Variants in HIVEP3 observed in about 807,000 individuals in gnomAD.
The protein encoded by HIVEP3 is HIVEP zinc finger 3, also known as transcription factor HIVEP3.
In HIVEP3, 49 loss-of-function variants were observed where a neutral mutation model predicts 152.8. The observed-to-expected ratio is 0.32, with a 90% CI of 0.26 to 0.41. The LOEUF (loss-of-function observed/expected upper bound fraction) is 0.41. HIVEP3 is among the 10% of genes least tolerant of loss of function. The pLI, the probability that HIVEP3 is intolerant of heterozygous loss-of-function variation, is 1.00. For missense variants in HIVEP3, 2,790 were observed against 3,103.3 expected (o/e 0.90, Z 2.40); for synonymous variants, 1,269 against 1,289.0 (o/e 0.98, Z 0.33).
In HIVEP3 at chr1:41,584,650, C is replaced by T. The variant is rs201941108; in HGVS notation, c.148G>A (p.Ala50Thr). ...GGCTGCGGGGCTAAGAGCTCTTGGGCGGGGCTCTCTTGGGTGGCAGCTGTG... is the reference window on the plus strand; with the variant it reads ...GGCTGCGGGGCTAAGAGCTCTTGGGTGGGGCTCTCTTGGGTGGCAGCTGTG... ...SGTAATQESP[A>T]QELLAPQPFP... The change falls in exon 4 of 9, where the codon GCC becomes ACC. Residue 50 changes from alanine to threonine, a missense_variant. Physicochemically the swap from Ala to Thr is moderately conservative, Grantham distance 58. Transcript: ENST00000372583. The surrounding 1 kb of genome is among the most constrained non-coding windows in gnomAD (Gnocchi z 5.2). 5.4e-5 allele frequency: 86 copies of T among 1,597,438 alleles called. No individual in the cohort carries two copies. Among genetic ancestry groups the T allele is most frequent in the South Asian group, 7.9e-5 (7 of 88,656 alleles).
intron 5 of HIVEP3, among the ~76,000 whole-genome samples, chr1:41,565,545 C>CAT (rs1644148411): frequency 7.5e-6 from 1 of 134,212 alleles, no homozygotes; most frequent in African/African-American, 2.8e-5. Flanking sequence ...CACACACACA[C>CAT]ACACACACAC....
At chr1:41,903,626 T>C (rs1344064165) in intron 1 of HIVEP3, among the ~76,000 whole-genome samples, 1 of 152,210 alleles carries the variant, frequency 6.6e-6, no homozygotes, top group Non-Finnish European at 1.5e-5. Flanking sequence ...AAAGCATCTG[T>C]CCTTGTTTCT....
chr1:41,698,765 C>T (rs1294465662), intron 2 of HIVEP3, among the ~76,000 whole-genome samples: 1 of 152,164 alleles, frequency 6.6e-6, no homozygotes, highest in African/African-American at 2.4e-5. Context: ...CCCCACAATG[C>T]TTCTGCTAGC....
At chr1:41,757,306 A>T (rs1289651091) in intron 1 of HIVEP3, among the ~76,000 whole-genome samples, 1 of 151,562 alleles carries the variant, frequency 6.6e-6, no homozygotes, top group Non-Finnish European at 1.5e-5. Flanking sequence ...TTTAGTAGAG[A>T]CGGAGTTTCA....
At chr1:41,554,890 G>C (rs1643941218) in intron 5 of HIVEP3, among the ~76,000 whole-genome samples, 1 of 152,190 alleles carries the variant, frequency 6.6e-6, no homozygotes, top group African/African-American at 2.4e-5. Flanking sequence ...ACACCCGCCT[G>C]TATGAGGTGA....
At chr1:41,966,475 CT>C (rs58470482) in intron 1 of HIVEP3, among the ~76,000 whole-genome samples, 6,808 of 95,876 alleles carry the variant, frequency 0.071, 940 homozygotes, top group African/African-American at 0.26. Flanking sequence ...GTGCTGTATT[CT>C]TTTTTTTTTT....
chr1:41,529,178 A>C (rs1446531316), intron 5 of HIVEP3, among the ~76,000 whole-genome samples: 8 of 53,406 alleles, frequency 1.5e-4, no homozygotes, highest in African/African-American at 2.1e-4. Context: ...CTCACACCCC[A>C]CCCTCACACT....
chr1:42,017,901 G>A (rs188975029), intron 1 of HIVEP3, among the ~76,000 whole-genome samples: 4 of 152,088 alleles, frequency 2.6e-5, no homozygotes, highest in African/African-American at 7.2e-5. Flanking sequence ...AATAATATAT[G>A]AGAGTCTAGT....
At chr1:41,639,122 T>C (rs528118972) in intron 2 of HIVEP3, among the ~76,000 whole-genome samples, 1 of 152,352 alleles carries the variant, frequency 6.6e-6, no homozygotes, top group East Asian at 1.9e-4. Flanking sequence ...GGGCAGGGAA[T>C]TGTGGGATGA....
chr1:41,860,395 T>C (rs1193502978), intron 1 of HIVEP3, among the ~76,000 whole-genome samples: 2 of 152,302 alleles, frequency 1.3e-5, no homozygotes, highest in East Asian at 3.9e-4. Flanking sequence ...TATCTCAAGC[T>C]ATAACTTTTT....
intron 1 of HIVEP3, among the ~76,000 whole-genome samples, chr1:41,961,344 G>C (rs529466147): frequency 2.6e-5 from 4 of 152,334 alleles, no homozygotes; most frequent in Non-Finnish European, 4.4e-5. Context: ...ACAATAAAAT[G>C]ATTGCTATTA....
At chr1:41,527,301 C>CTG (rs1643008672) in intron 5 of HIVEP3, among the ~76,000 whole-genome samples, 1 of 44,166 alleles carries the variant, frequency 2.3e-5, no homozygotes, top group African/African-American at 1.1e-4. Context: ...ACCCTCACAC[C>CTG]CTCACACTTC....
chr1:41,895,185 G>A (rs991349624), intron 1 of HIVEP3, among the ~76,000 whole-genome samples: 37 of 152,294 alleles, frequency 2.4e-4, no homozygotes, highest in African/African-American at 7.5e-4. Flanking sequence ...GACCAGGGTG[G>A]CCCCAAGCAG....
At chr1:41,944,907 T>C (rs978504961) in intron 1 of HIVEP3, among the ~76,000 whole-genome samples, 2 of 152,122 alleles carry the variant, frequency 1.3e-5, no homozygotes, top group African/African-American at 4.8e-5. Flanking sequence ...TGGGGCCAAT[T>C]TGACCCTCAG....
At chr1:41,948,455 A>C (rs759804880) in intron 1 of HIVEP3, among the ~76,000 whole-genome samples, 1 of 152,220 alleles carries the variant, frequency 6.6e-6, no homozygotes, top group Non-Finnish European at 1.5e-5. Context: ...AGAAACCTAA[A>C]GAGGTGGCAG....
chr1:41,816,262 C>T (rs1467750772), intron 1 of HIVEP3, among the ~76,000 whole-genome samples: 2 of 152,190 alleles, frequency 1.3e-5, no homozygotes, highest in Admixed American at 1.3e-4. Flanking sequence ...TTGCTTATGG[C>T]ACAATCGGGG....
intron 1 of HIVEP3, among the ~76,000 whole-genome samples, chr1:41,809,727 T>C (rs1022026926): frequency 1.4e-4 from 22 of 152,194 alleles, no homozygotes; most frequent in Admixed American, 5.2e-4. Context: ...GTTGTTACAG[T>C]TGACTGTGGG....
At chr1:41,630,878 T>A (rs1159259026) in intron 2 of HIVEP3, among the ~76,000 whole-genome samples, 1 of 152,178 alleles carries the variant, frequency 6.6e-6, no homozygotes, top group Non-Finnish European at 1.5e-5. Flanking sequence ...AACTGACTCA[T>A]ATTCAGGCAT....
At chr1:41,695,232 C>T (rs1416412847) in intron 2 of HIVEP3, among the ~76,000 whole-genome samples, 1 of 152,162 alleles carries the variant, frequency 6.6e-6, no homozygotes. Flanking sequence ...GTGTTGGTCT[C>T]CAGTACCTAT....
Sources: allele counts gnomAD v4.1 joint callset (sites outside exome capture counted in the v4.1 genomes callset), GRCh38; gene constraint gnomAD v4.1.1; non-coding constraint Gnocchi (gnomAD v3.1); transcripts MANE v1.5; gene names NCBI Gene and HGNC (gene_info 2026-07-23, HGNC 2026-07-21).